The following STS variants were observed in gnomAD, a reference collection of about 807,000 sequenced individuals.
The protein encoded by STS is steryl-sulfatase.
A neutral mutation model predicts 26.8 loss-of-function variants in STS; 7 were observed. The observed-to-expected ratio is 0.26, with a 90% CI of 0.15 to 0.49. The LOEUF is 0.49. Ranked by LOEUF, STS falls within the 20% of genes least tolerant of loss-of-function variation. The pLI is 0.98. For synonymous variants in STS, 199 were observed against 189.4 expected (o/e 1.05, Z -0.42); for missense variants, 434 against 465.6 (o/e 0.93, Z 0.63).
intron 2 of STS, among the ~76,000 whole-genome samples, chrX:7,232,849 C>A: frequency 9.0e-6 from 1 of 111,232 alleles, no homozygotes; most frequent in Non-Finnish European, 1.9e-5. Flanking sequence ...TGGGGGTGGT[C>A]CCCCCATGCT....
At chrX:7,203,991 C>T (rs776999030) in intron 2 of STS, among the ~76,000 whole-genome samples, 78 of 111,193 alleles carry the variant, frequency 7.0e-4, no homozygotes, top group Non-Finnish European at 8.5e-4. Flanking sequence ...TGCCATCTTG[C>T]GCAGGCTGCT....
At chrX:7,326,179 G>T (rs184434990) in intron 9 of STS, among the ~76,000 whole-genome samples, 58 of 110,594 alleles carry the variant, frequency 5.2e-4, no homozygotes, top group Non-Finnish European at 8.7e-4. Flanking sequence ...TGAGGCCCTC[G>T]GTTTGGAGTG....
At chrX:7,187,565 T>C (rs772524130) in intron 1 of STS, among the ~76,000 whole-genome samples, 1 of 112,200 alleles carries the variant, frequency 8.9e-6, no homozygotes, top group East Asian at 2.8e-4. Context: ...AGAAATGCAT[T>C]CTCTTCTTCT....
intron 8 of STS, among the ~76,000 whole-genome samples, chrX:7,311,704 G>T (rs1396071956): frequency 3.6e-5 from 4 of 111,199 alleles, no homozygotes; most frequent in Non-Finnish European, 7.5e-5. Context: ...GTAAAAATTA[G>T]CTGGCTGTTG....
intron 10 of STS, among the ~76,000 whole-genome samples, chrX:7,338,562 G>A (rs1166776694): frequency 5.4e-5 from 6 of 111,475 alleles, no homozygotes; most frequent in African/African-American, 6.5e-5. Context: ...AGGGGAACGG[G>A]GCACCAATAC....
intron 2 of STS, among the ~76,000 whole-genome samples, chrX:7,244,523 G>C (rs1427124380): frequency 8.9e-6 from 1 of 111,929 alleles, no homozygotes; most frequent in Non-Finnish European, 1.9e-5. Flanking sequence ...GTTATGTTCA[G>C]GAGGTGAAAA....
chrX:7,272,217 C>CAT lies in STS; in HGVS notation c.807-3717_807-3716dup, dbSNP rs372911748. 2.3e-3 allele frequency among the ~76,000 whole-genome samples: 212 copies of CAT among 93,978 alleles called. 2 individuals are homozygous for CAT. Among genetic ancestry groups the CAT allele is most frequent in the Admixed American group, 0.01 (88 of 8,702 alleles). 81.6% of individuals were successfully genotyped at this position (93,978 alleles called of 115,157 possible). On this transcript the variant is annotated intron_variant, in intron 6 of 10. Transcript: ENST00000674429. ...CATAGAAGAAAAATTAATTTAATTA[C>CAT]ATATATATATATATATATGTAGTCT...
At chrX:7,333,872 A>G in intron 9 of STS, 114 bp from the exon 10 acceptor site, 5 of 1,068,812 alleles carry the variant, frequency 4.7e-6, no homozygotes, top group Non-Finnish European at 6.4e-6. Context: ...AGGTGGGGTC[A>G]GTCTTCTTTG....
At chrX:7,331,978 A>C (rs759244543) in intron 9 of STS, among the ~76,000 whole-genome samples, 1 of 111,098 alleles carries the variant, frequency 9.0e-6, no homozygotes, top group Non-Finnish European at 1.9e-5. Context: ...CTCCTTTAAA[A>C]AAACCTCAAA....
At chrX:7,209,511 GA>G (rs1254776917) in intron 2 of STS, among the ~76,000 whole-genome samples, 29 of 99,173 alleles carry the variant, frequency 2.9e-4, no homozygotes, top group African/African-American at 1.0e-3. Flanking sequence ...GATTAAAAAT[GA>G]AAAAAATTAT....
At chrX:7,263,543 G>A (rs183284426) in intron 6 of STS, among the ~76,000 whole-genome samples, 9 of 112,217 alleles carry the variant, frequency 8.0e-5, no homozygotes, top group African/African-American at 2.9e-4. Flanking sequence ...GTGTGCAGTG[G>A]GCTATACCAT....
intron 8 of STS, among the ~76,000 whole-genome samples, chrX:7,317,702 C>G (rs1376898481): frequency 1.8e-5 from 2 of 111,383 alleles, no homozygotes; most frequent in African/African-American, 6.5e-5. Context: ...ACCCCGACCT[C>G]AAGTGATCCT....
At chrX:7,330,305 A>C (rs746046788) in intron 9 of STS, among the ~76,000 whole-genome samples, 1 of 112,027 alleles carries the variant, frequency 8.9e-6, no homozygotes, top group African/African-American at 3.2e-5. Flanking sequence ...CCATAGTATG[A>C]GTATGACCAT....
intron 1 of STS, among the ~76,000 whole-genome samples, chrX:7,172,554 G>T (rs1441349206): frequency 9.0e-6 from 1 of 111,297 alleles, no homozygotes; most frequent in Non-Finnish European, 1.9e-5. Context: ...TTGGAGATGT[G>T]CATAATTATT....
intron 1 of STS, among the ~76,000 whole-genome samples, chrX:7,188,722 C>A (rs1398375709): frequency 9.0e-6 from 1 of 111,436 alleles, no homozygotes; most frequent in Admixed American, 9.6e-5. Flanking sequence ...ATGCTGATAC[C>A]TTAAAATCTA....
chrX:7,180,573 A>T (rs752909021), intron 1 of STS, among the ~76,000 whole-genome samples: 1 of 112,031 alleles, frequency 8.9e-6, no homozygotes, highest in South Asian at 3.8e-4. Flanking sequence ...CCTGCTCCAC[A>T]GAGTCAGCAT....
At chrX:7,293,478 T>A (rs1925513889) in intron 7 of STS, among the ~76,000 whole-genome samples, 1 of 111,996 alleles carries the variant, frequency 8.9e-6, no homozygotes, top group Admixed American at 9.5e-5. Context: ...GCCCACTAAT[T>A]TGATATTCCC....
At chrX:7,176,356 C>T (rs746263485) in intron 1 of STS, among the ~76,000 whole-genome samples, 33 of 111,283 alleles carry the variant, frequency 3.0e-4, no homozygotes, top group Non-Finnish European at 4.7e-4. Context: ...CTTGGAAAAC[C>T]GACTAATACT....
At chrX:7,339,666 G>A (rs765059859) in intron 10 of STS, among the ~76,000 whole-genome samples, 36 of 111,505 alleles carry the variant, frequency 3.2e-4, no homozygotes, top group African/African-American at 1.1e-3. Context: ...GATTTATGAG[G>A]TTAGAAAAGA....
Sources: gnomAD v4.1 joint callset for allele counts (sites outside exome capture counted in the v4.1 genomes callset) on GRCh38, gnomAD v4.1.1 for gene constraint, MANE v1.5 for transcripts, NCBI Gene and HGNC (gene_info 2026-07-23, HGNC 2026-07-21) for gene names.